The following TBC1D32 variants were observed in gnomAD, a reference collection of about 807,000 sequenced individuals.
The protein encoded by TBC1D32 is TBC1 domain family member 32.
Under a neutral mutation model 170.3 loss-of-function variants are expected in TBC1D32, and 151 were observed. The ratio of observed to expected loss-of-function variants is 0.89; its 90% CI spans 0.78 to 1.01. The LOEUF is 1.01. TBC1D32 is among the 50% of genes least tolerant of loss of function. The pLI is 0.00. For missense variants in TBC1D32, 1,464 were observed against 1,457.1 expected (o/e 1.00, Z -0.08); for synonymous variants, 498 against 488.0 (o/e 1.02, Z -0.27).
intron 22 of TBC1D32, among the ~76,000 whole-genome samples, chr6:121,175,314 A>T (rs1787618434): frequency 6.6e-6 from 1 of 152,222 alleles, no homozygotes; most frequent in Non-Finnish European, 1.5e-5. Context: ...GAGGTGATCC[A>T]AGGTGAATTA....
chr6:121,316,545 C>T (rs1291416966), intron 3 of TBC1D32, among the ~76,000 whole-genome samples: 1 of 152,150 alleles, frequency 6.6e-6, no homozygotes, highest in Non-Finnish European at 1.5e-5. Flanking sequence ...ATCTTTGTCA[C>T]GTCCTCCATC....
rs1016748330 is a variant in TBC1D32 at position 121,153,862 on chromosome 6, A to G, written c.2773+6148T>C. 7.2e-5 allele frequency among the ~76,000 whole-genome samples: 11 copies of G among 152,116 alleles called. No homozygotes were observed. The East Asian group carries it at 2.1e-3, about 30-fold the overall frequency. On this transcript the variant is annotated intron_variant, in intron 24 of 31. Coordinates refer to ENST00000398212, the MANE Select transcript of TBC1D32 (RefSeq NM_152730.6). ...TCCCACCACCAAGCTTGCGTATACCAGGTCGACTTCAGACTGCTGTACTGT... is the reference window on the plus strand; with the variant it reads ...TCCCACCACCAAGCTTGCGTATACCGGGTCGACTTCAGACTGCTGTACTGT...
chr6:121,247,741 T>C (rs1470784576), intron 17 of TBC1D32, among the ~76,000 whole-genome samples: 1 of 66,204 alleles, frequency 1.5e-5, no homozygotes, highest in Non-Finnish European at 3.1e-5. Flanking sequence ...CATTATACAA[T>C]AATGGATTAG....
intron 24 of TBC1D32, among the ~76,000 whole-genome samples, chr6:121,134,213 A>G (rs1781764652): frequency 6.6e-6 from 1 of 152,046 alleles, no homozygotes; most frequent in Admixed American, 6.6e-5. Context: ...TCTTCTACTC[A>G]TGTGTAACTC....
intron 21 of TBC1D32, among the ~76,000 whole-genome samples, chr6:121,221,634 A>G (rs1372319770): frequency 6.6e-6 from 1 of 152,350 alleles, no homozygotes. Flanking sequence ...AAAGAAGTTC[A>G]GTACTTCAGT....
chr6:121,281,195 A>G (rs754883178), intron 14 of TBC1D32, among the ~76,000 whole-genome samples: 3 of 151,978 alleles, frequency 2.0e-5, no homozygotes, highest in Non-Finnish European at 4.4e-5. Flanking sequence ...TCCAAAACCT[A>G]TAACAATGCC....
intron 22 of TBC1D32, among the ~76,000 whole-genome samples, chr6:121,169,081 G>A (rs367799608): frequency 2.0e-5 from 3 of 151,816 alleles, no homozygotes; most frequent in African/African-American, 4.8e-5. Flanking sequence ...TAAAATTCAC[G>A]TGGAACCAAA....
At chr6:121,299,790 C>G (rs1806191069) in intron 9 of TBC1D32, among the ~76,000 whole-genome samples, 1 of 151,958 alleles carries the variant, frequency 6.6e-6, no homozygotes, top group African/African-American at 2.4e-5. Context: ...ATTTTAAAAC[C>G]ACCACCAAAA....
intron 24 of TBC1D32, chr6:121,139,723 T>C (rs780260559): frequency 6.6e-6 from 1 of 152,140 alleles, no homozygotes; most frequent in Admixed American, 6.5e-5. Flanking sequence ...TGATAAAATA[T>C]GTAGGCATCC....
intron 24 of TBC1D32, among the ~76,000 whole-genome samples, chr6:121,159,571 C>T (rs1785345171): frequency 1.3e-5 from 2 of 152,158 alleles, no homozygotes; most frequent in Admixed American, 6.5e-5. Context: ...TTTGTGAACA[C>T]TGTAGAGTGA....
At chr6:121,177,552 G>T (rs1266896682) in intron 22 of TBC1D32, among the ~76,000 whole-genome samples, 1 of 152,104 alleles carries the variant, frequency 6.6e-6, no homozygotes, top group African/African-American at 2.4e-5. Flanking sequence ...GACTAATATA[G>T]TAGCATACAA....
At chr6:121,149,911 T>C (rs1412369393) in intron 24 of TBC1D32, among the ~76,000 whole-genome samples, 1 of 152,202 alleles carries the variant, frequency 6.6e-6, no homozygotes, top group Non-Finnish European at 1.5e-5. Flanking sequence ...TTTCCATTCG[T>C]TTGTGTCCTC....
intron 24 of TBC1D32, among the ~76,000 whole-genome samples, chr6:121,152,854 G>A (rs1784383933): frequency 6.6e-6 from 1 of 152,044 alleles, no homozygotes; most frequent in Non-Finnish European, 1.5e-5. Context: ...GTTCCATCAG[G>A]TCACTTATGT....
In TBC1D32 at chr6:121,085,376, TA is replaced by T. The variant is rs1344698350; in HGVS notation, c.3655-4487del. 1.6e-4 allele frequency among the ~76,000 whole-genome samples: 16 copies of T among 102,936 alleles called. No individual in the cohort carries two copies. The East Asian group carries it at 4.0e-3, about 26-fold the overall frequency. The allele number at this position is 102,936 out of a possible 152,430, so 67.5% of individuals were successfully genotyped here. A position where few individuals can be genotyped will look rare whatever the true frequency, so the allele number is the denominator to read the frequency against. ...ATATATATACATATATATATGTGTA[TA>T]TATATATATATATTCTTCTTGATCA... On this transcript the variant is annotated intron_variant, in intron 31 of 31. Transcript: ENST00000398212.
At chr6:121,308,477 T>C (rs922784431) in intron 4 of TBC1D32, among the ~76,000 whole-genome samples, 2 of 151,894 alleles carry the variant, frequency 1.3e-5, no homozygotes, top group African/African-American at 4.8e-5. Flanking sequence ...TTGAGGGCTT[T>C]AATTTCAAAA....
At chr6:121,330,274 T>A (rs898755056) in intron 1 of TBC1D32, among the ~76,000 whole-genome samples, 1 of 152,132 alleles carries the variant, frequency 6.6e-6, no homozygotes, top group African/African-American at 2.4e-5. Flanking sequence ...TGTTAAGTGA[T>A]CTGCCCACCT....
chr6:121,130,311 G>A (rs1030418025), intron 25 of TBC1D32, among the ~76,000 whole-genome samples: 27 of 152,104 alleles, frequency 1.8e-4, no homozygotes, highest in East Asian at 3.9e-4. Flanking sequence ...GTGAAACCCC[G>A]TCTCTACTAA....
intron 24 of TBC1D32, among the ~76,000 whole-genome samples, chr6:121,156,661 C>T (rs1784930135): frequency 6.6e-6 from 1 of 151,962 alleles, no homozygotes; most frequent in Non-Finnish European, 1.5e-5. Flanking sequence ...GGACTATAAA[C>T]TTATCTCTTA....
chr6:121,183,553 T>C lies in TBC1D32; in HGVS notation c.2570+21522A>G, dbSNP rs555696273. 7.2e-5 allele frequency among the ~76,000 whole-genome samples: 11 copies of C among 152,184 alleles called. No individual in the cohort carries two copies. The South Asian group carries it at 1.9e-3, about 26-fold the overall frequency. ...CAACTTTCTCACTTCACCTCAGGTG[T>C]TGAAGGCCAAGTCCTTATTTCTATT... On this transcript the variant is annotated intron_variant, in intron 22 of 31. Coordinates refer to ENST00000398212, the MANE Select transcript of TBC1D32 (RefSeq NM_152730.6).
Sources: gnomAD v4.1 joint callset for allele counts (sites outside exome capture counted in the v4.1 genomes callset) on GRCh38, gnomAD v4.1.1 for gene constraint, MANE v1.5 for transcripts, NCBI Gene and HGNC (gene_info 2026-07-23, HGNC 2026-07-21) for gene names.